Variants in BMP6 observed in about 807,000 individuals in gnomAD.
The protein encoded by BMP6 is bone morphogenetic protein 6.
In BMP6, 17 loss-of-function variants were observed where a neutral mutation model predicts 54.1. The observed-to-expected ratio is 0.31, with a 90% CI of 0.22 to 0.47. BMP6 has a LOEUF of 0.47. Ranked by LOEUF, BMP6 falls within the 20% of genes least tolerant of loss-of-function variation. BMP6 has a pLI of 1.00. For missense variants in BMP6, 720 were observed against 690.4 expected, an observed-to-expected ratio of 1.04 and a Z score of -0.48; for synonymous variants, 328 against 291.2, an observed-to-expected ratio of 1.13 and a Z score of -1.28.
intron 2 of BMP6, among the ~76,000 whole-genome samples, chr6:7,858,866 T>C (rs1191015136): frequency 1.3e-5 from 2 of 151,304 alleles, no homozygotes; most frequent in East Asian, 3.9e-4. Flanking sequence ...AGTTTTCATC[T>C]TTCAAGGCTC....
At chr6:7,793,828 A>C (rs1392255508) in intron 1 of BMP6, among the ~76,000 whole-genome samples, 1 of 152,182 alleles carries the variant, frequency 6.6e-6, no homozygotes, top group Non-Finnish European at 1.5e-5. Flanking sequence ...CCAGATATCC[A>C]CGGGCTGTCA....
intron 1 of BMP6, among the ~76,000 whole-genome samples, chr6:7,804,379 A>C (rs533774951): frequency 7.3e-5 from 11 of 151,248 alleles, no homozygotes; most frequent in African/African-American, 2.7e-4. Context: ...TGGCTTTCAC[A>C]CTCCTTTCTT....
chr6:7,838,351 G>A (rs1369817822), intron 1 of BMP6, among the ~76,000 whole-genome samples: 1 of 152,130 alleles, frequency 6.6e-6, no homozygotes, highest in African/African-American at 2.4e-5. Context: ...GCCCTTGGAA[G>A]GTATCCCCCT....
chr6:7,836,107 G>T (rs1018648013), intron 1 of BMP6, among the ~76,000 whole-genome samples: 9 of 151,926 alleles, frequency 5.9e-5, no homozygotes, highest in Non-Finnish European at 7.4e-5. Context: ...CAAAGTGCTG[G>T]AATTACCCGT....
chr6:7,780,899 T>C (rs1035566125), intron 1 of BMP6, among the ~76,000 whole-genome samples: 3 of 152,052 alleles, frequency 2.0e-5, no homozygotes, highest in Non-Finnish European at 2.9e-5. Flanking sequence ...TTTGTAGAGA[T>C]GGAGTTTCAA....
At chr6:7,738,619 A>G (rs1244795626) in intron 1 of BMP6, among the ~76,000 whole-genome samples, 2 of 152,192 alleles carry the variant, frequency 1.3e-5, no homozygotes, top group African/African-American at 4.8e-5. Flanking sequence ...CTCATTGCTA[A>G]AGGCTCTTAA....
chr6:7,853,913 A>AG (rs1759184272), intron 2 of BMP6, among the ~76,000 whole-genome samples: 1 of 151,798 alleles, frequency 6.6e-6, no homozygotes, highest in Non-Finnish European at 1.5e-5. Context: ...GGGAGAAAAA[A>AG]AAAAAGACTG....
intron 4 of BMP6, among the ~76,000 whole-genome samples, chr6:7,876,457 G>A (rs1430970675): frequency 6.6e-6 from 1 of 152,102 alleles, no homozygotes; most frequent in Non-Finnish European, 1.5e-5. Context: ...ACTGCCTTCC[G>A]AAATTCCTAT....
chr6:7,865,382 C>A (rs923031741), intron 4 of BMP6, among the ~76,000 whole-genome samples: 2 of 152,114 alleles, frequency 1.3e-5, no homozygotes, highest in Non-Finnish European at 2.9e-5. Flanking sequence ...ATTTAAAGGC[C>A]CCCAAGAAAG....
At position 7,767,889 on chromosome 6, in the gene BMP6, T is replaced by G. The variant is rs113736199; in HGVS notation, c.664+40270T>G. On this transcript the variant is annotated intron_variant, in intron 1 of 6. Transcript: ENST00000283147. ...CTTTGGTGAAGTGGAGGTAAGGTGT[T>G]GTGGAGGGGAAGCCCTCTGTGGTCT... Among the ~76,000 whole-genome samples the G allele has an allele frequency of 3.3e-3, 509 of 152,246 alleles. 6 individuals are homozygous for G. Among genetic ancestry groups the G allele is most frequent in the African/African-American group, 0.011 (476 of 41,528 alleles).
intron 1 of BMP6, among the ~76,000 whole-genome samples, chr6:7,823,200 C>G (rs544461651): frequency 6.6e-6 from 1 of 152,086 alleles, no homozygotes; most frequent in Admixed American, 6.6e-5. Flanking sequence ...TGAGGCTGAC[C>G]GAATTGTGGA....
intron 1 of BMP6, among the ~76,000 whole-genome samples, chr6:7,794,799 G>A (rs66908775): frequency 0.2 from 29,775 of 152,058 alleles, 3,336 homozygotes; most frequent in African/African-American, 0.3. Context: ...TGATAGGACA[G>A]GGATTTGGAC....
At chr6:7,801,472 T>C (rs568647764) in intron 1 of BMP6, among the ~76,000 whole-genome samples, 1 of 152,336 alleles carries the variant, frequency 6.6e-6, no homozygotes, top group Non-Finnish European at 1.5e-5. Context: ...CTGGTCAACA[T>C]TGAGCTCTGA....
intron 1 of BMP6, among the ~76,000 whole-genome samples, chr6:7,727,853 C>T (rs1761772736): frequency 6.6e-6 from 1 of 151,456 alleles, no homozygotes; most frequent in Non-Finnish European, 1.5e-5. Flanking sequence ...AGGCGGCTGG[C>T]CGGCCGGGCC....
chr6:7,832,738 C>G (rs567780387), intron 1 of BMP6, among the ~76,000 whole-genome samples: 13 of 147,222 alleles, frequency 8.8e-5, no homozygotes, highest in African/African-American at 3.3e-4. Context: ...CTTTAATTAT[C>G]TAGGATGACG....
rs1438229897 is a variant in BMP6 at position 7,747,517 on chromosome 6, G to A, written c.664+19898G>A. On this transcript the variant is annotated intron_variant, in intron 1 of 6. Transcript: ENST00000283147. Reference sequence around the variant, plus strand: ...AGCCAGCAAAGAAATGGGGAGCCCAGCTCTGTACTTGTGAGGAGCTGGATT... The same window carrying A: ...AGCCAGCAAAGAAATGGGGAGCCCAACTCTGTACTTGTGAGGAGCTGGATT... 2.0e-5 allele frequency among the ~76,000 whole-genome samples: 3 copies of A among 152,312 alleles called. No individual in the cohort carries two copies. In the East Asian group the frequency reaches 5.8e-4, roughly 29 times the overall value.
intron 1 of BMP6, among the ~76,000 whole-genome samples, chr6:7,795,943 A>G (rs1238440352): frequency 9.2e-5 from 14 of 152,174 alleles, no homozygotes; most frequent in Admixed American, 9.2e-4. Context: ...TCAGTTTGAC[A>G]TATGTTGAAT....
At chr6:7,836,402 C>G (rs1447584703) in intron 1 of BMP6, among the ~76,000 whole-genome samples, 1 of 152,142 alleles carries the variant, frequency 6.6e-6, no homozygotes, top group Non-Finnish European at 1.5e-5. Context: ...TGGATCTATA[C>G]ATGTGATAAG....
intron 1 of BMP6, among the ~76,000 whole-genome samples, chr6:7,778,942 T>C (rs1460070027): frequency 6.6e-6 from 1 of 152,260 alleles, no homozygotes; most frequent in Non-Finnish European, 1.5e-5. Context: ...AACAAGATTA[T>C]ACACTGAGGA....
Sources: allele counts gnomAD v4.1 joint callset (sites outside exome capture counted in the v4.1 genomes callset), GRCh38; gene constraint gnomAD v4.1.1; transcripts MANE v1.5; gene names NCBI Gene and HGNC (gene_info 2026-07-23, HGNC 2026-07-21).